The following MAGI2 variants were observed in gnomAD, a reference collection of about 807,000 sequenced individuals.
The protein encoded by MAGI2 is membrane-associated guanylate kinase, WW and PDZ domain-containing protein 2.
In MAGI2, 35 loss-of-function variants were observed where a neutral mutation model predicts 133.3. The observed-to-expected ratio is 0.26, with a 90% CI of 0.20 to 0.35. The LOEUF is 0.35. MAGI2 is among the 10% of genes least tolerant of loss of function. The pLI is 1.00. For missense variants in MAGI2, 1,636 were observed against 1,863.4 expected, an observed-to-expected ratio of 0.88 and a Z score of 2.25; for synonymous variants, 729 against 710.6, an observed-to-expected ratio of 1.03 and a Z score of -0.41.
At chr7:78,445,683 G>A (rs1464846268) in intron 6 of MAGI2, among the ~76,000 whole-genome samples, 1 of 151,902 alleles carries the variant, frequency 6.6e-6, no homozygotes, top group African/African-American at 2.4e-5. Flanking sequence ...ATAATTTACT[G>A]GGATTCACCT....
chr7:78,645,737 C>A (rs1282118002), intron 2 of MAGI2, among the ~76,000 whole-genome samples: 1 of 139,068 alleles, frequency 7.2e-6, no homozygotes, highest in Non-Finnish European at 1.6e-5. Flanking sequence ...AATAGCAAAA[C>A]TTTTTTTTTT....
At chr7:78,753,378 T>A (rs1823636204) in intron 2 of MAGI2, among the ~76,000 whole-genome samples, 1 of 152,164 alleles carries the variant, frequency 6.6e-6, no homozygotes, top group Admixed American at 6.5e-5. Flanking sequence ...AGATAATCAG[T>A]AAATTCGAAA....
intron 2 of MAGI2, among the ~76,000 whole-genome samples, chr7:78,753,170 G>C (rs1207876): frequency 3.9e-5 from 6 of 152,150 alleles, no homozygotes; most frequent in African/African-American, 1.4e-4. Context: ...TGACCAGTAT[G>C]ATGGAATTAG....
At chr7:79,206,572 A>G (rs1282159229) in intron 1 of MAGI2, among the ~76,000 whole-genome samples, 1 of 151,962 alleles carries the variant, frequency 6.6e-6, no homozygotes, top group Non-Finnish European at 1.5e-5. Context: ...TTAAATGACT[A>G]ATAAAAAATC....
chr7:78,444,210 A>T (rs570116898), intron 6 of MAGI2, among the ~76,000 whole-genome samples: 5 of 152,086 alleles, frequency 3.3e-5, no homozygotes, highest in African/African-American at 1.2e-4. Flanking sequence ...ATCATAAACA[A>T]CTCAGTTAGT....
intron 1 of MAGI2, among the ~76,000 whole-genome samples, chr7:79,409,747 ATTTTAG>A (rs1434335650): frequency 2.0e-5 from 3 of 152,090 alleles, no homozygotes; most frequent in Non-Finnish European, 4.4e-5. Context: ...ATACGAGGTT[ATTTTAG>A]TTTTTACAAC....
At chr7:79,086,253 T>A (rs1202465591) in intron 1 of MAGI2, among the ~76,000 whole-genome samples, 4 of 151,448 alleles carry the variant, frequency 2.6e-5, no homozygotes, top group African/African-American at 7.3e-5. Context: ...GACAATGGAG[T>A]TTTTTAGGAA....
intron 2 of MAGI2, among the ~76,000 whole-genome samples, chr7:78,917,697 C>A (rs933067602): frequency 5.3e-5 from 8 of 152,124 alleles, no homozygotes; most frequent in Non-Finnish European, 8.8e-5. Context: ...AGGCCAATTG[C>A]AAGTCATGGG....
chr7:79,187,144 G>A (rs1053250153), intron 1 of MAGI2, among the ~76,000 whole-genome samples: 1 of 151,382 alleles, frequency 6.6e-6, no homozygotes, highest in Non-Finnish European at 1.5e-5. Flanking sequence ...TTGAAAATCT[G>A]CCTTTTTTGA....
intron 1 of MAGI2, among the ~76,000 whole-genome samples, chr7:79,232,750 G>C (rs1371652919): frequency 8.1e-6 from 1 of 122,790 alleles, no homozygotes; most frequent in Non-Finnish European, 1.7e-5. Flanking sequence ...ACCAGCTCCT[G>C]GATTCATTAA....
At chr7:79,053,775 T>G (rs1812894058) in intron 1 of MAGI2, among the ~76,000 whole-genome samples, 2 of 152,234 alleles carry the variant, frequency 1.3e-5, no homozygotes, top group South Asian at 4.1e-4. Context: ...ATTATATTTA[T>G]GGTCATCTGC....
In MAGI2 at chr7:78,160,269, C is replaced by A; in HGVS notation, c.2601G>T (p.Glu867Asp). Residue 867 changes from glutamate to aspartate, a missense_variant, in exon 16 of 22, where the codon GAG becomes GAT. Glu to Asp is a conservative substitution (Grantham distance 45). Around this residue, in one of 5 missense-constraint regions of MAGI2, gnomAD observed 920 missense variants for 1,093.5 expected, o/e 0.84. Coordinates refer to ENST00000354212, the MANE Select transcript of MAGI2 (RefSeq NM_012301.4). ...GACTTCTCCCGTTCTCTGGGCAGGG[C>A]TCCCCTGCAAAATATACCACACACA... The part of the protein sequence containing the change: ...TVRRKVLCGG[E>D]PCPENGRSPG... 2 of 1,583,790 alleles carry A rather than the reference C, an allele frequency of 1.3e-6. No individual in the cohort carries two copies. Among genetic ancestry groups the A allele is most frequent in the South Asian group, 1.2e-5 (1 of 84,224 alleles).
intron 2 of MAGI2, among the ~76,000 whole-genome samples, chr7:78,734,443 T>C (rs977250570): frequency 1.3e-5 from 2 of 152,150 alleles, no homozygotes; most frequent in Admixed American, 1.3e-4. Context: ...AGTGAGCCAC[T>C]ATTTATAGGA....
intron 2 of MAGI2, among the ~76,000 whole-genome samples, chr7:78,753,717 C>G (rs1228669404): frequency 7.9e-6 from 1 of 126,614 alleles, no homozygotes; most frequent in East Asian, 2.3e-4. Context: ...ACTTAACTAG[C>G]AAAAAAAAAA....
At chr7:78,255,842 A>G in intron 10 of MAGI2, 101 bp downstream of exon 10, 3 of 1,196,176 alleles carry the variant, frequency 2.5e-6, no homozygotes, top group Non-Finnish European at 2.4e-6. Flanking sequence ...TTTAAAGTAT[A>G]ATTTCATTCA....
chr7:78,874,584 T>G (rs1047283703), intron 2 of MAGI2, among the ~76,000 whole-genome samples: 53 of 152,120 alleles, frequency 3.5e-4, no homozygotes, highest in African/African-American at 9.2e-4. Flanking sequence ...TCCAAAAAAG[T>G]TGATCTCATA....
chr7:78,137,488 A>G (rs1482420788), intron 16 of MAGI2, among the ~76,000 whole-genome samples: 1 of 152,176 alleles, frequency 6.6e-6, no homozygotes, highest in Non-Finnish European at 1.5e-5. Flanking sequence ...ATCACTATTA[A>G]GGGGTATGTG....
chr7:78,852,760 GAA>G (rs1287115724), intron 2 of MAGI2, among the ~76,000 whole-genome samples: 1 of 152,100 alleles, frequency 6.6e-6, no homozygotes, highest in African/African-American at 2.4e-5. Context: ...TTTGGGGAAC[GAA>G]AAGAGTAGAG....
chr7:79,071,137 T>C (rs115463444), intron 1 of MAGI2, among the ~76,000 whole-genome samples: 6,794 of 152,262 alleles, frequency 0.045, 232 homozygotes, highest in African/African-American at 0.086. Flanking sequence ...TGTGAGTGGA[T>C]GTCCTTTATT....
Sources: allele counts gnomAD v4.1 joint callset (sites outside exome capture counted in the v4.1 genomes callset), GRCh38; gene constraint gnomAD v4.1.1; regional missense constraint gnomAD v4.1.1; transcripts MANE v1.5; gene names NCBI Gene and HGNC (gene_info 2026-07-23, HGNC 2026-07-21).